Variants in CMTM4 observed in about 807,000 individuals in gnomAD.
The protein encoded by CMTM4 is CKLF-like MARVEL transmembrane domain-containing protein 4.
A neutral mutation model predicts 19.0 loss-of-function variants in CMTM4; 8 were observed. The ratio of observed to expected loss-of-function variants is 0.42; its 90% CI spans 0.25 to 0.76. The LOEUF is 0.76. Ranked by LOEUF, CMTM4 falls within the 30% of genes least tolerant of loss-of-function variation. The pLI, the probability that CMTM4 is intolerant of heterozygous loss-of-function variation, is 0.27. For missense variants in CMTM4, 228 were observed against 290.2 expected, an observed-to-expected ratio of 0.79 and a Z score of 1.56; for synonymous variants, 106 against 121.1, an observed-to-expected ratio of 0.88 and a Z score of 0.82.
intron 1 of CMTM4, among the ~76,000 whole-genome samples, chr16:66,648,609 G>A (rs1795882547): frequency 6.6e-6 from 1 of 151,752 alleles, no homozygotes; most frequent in Admixed American, 6.6e-5. Flanking sequence ...AGTGAGCCGA[G>A]ATCACGCCAT....
At chr16:66,692,231 C>T (rs909849580) in intron 1 of CMTM4, among the ~76,000 whole-genome samples, 8 of 152,134 alleles carry the variant, frequency 5.3e-5, no homozygotes, top group East Asian at 3.9e-4. Context: ...TCTGGGATTA[C>T]AGGCACTCGC....
At chr16:66,661,032 C>T (rs1185510703) in intron 1 of CMTM4, among the ~76,000 whole-genome samples, 2 of 152,154 alleles carry the variant, frequency 1.3e-5, no homozygotes, top group Non-Finnish European at 2.9e-5. Flanking sequence ...ACGAAACAGT[C>T]ATTAAACCAT....
chr16:66,646,310 T>A (rs572712382), intron 1 of CMTM4, among the ~76,000 whole-genome samples: 1 of 152,340 alleles, frequency 6.6e-6, no homozygotes, highest in South Asian at 2.1e-4. Context: ...TTACCTTTTT[T>A]AATTAACACT....
intron 1 of CMTM4, among the ~76,000 whole-genome samples, chr16:66,651,157 C>T (rs2016302800): frequency 6.6e-6 from 1 of 152,136 alleles, no homozygotes; most frequent in South Asian, 2.1e-4. Context: ...GACTGTGCTT[C>T]CGAAGCCAGC....
Position 66,617,244 on chromosome 16 carries a change from T to C in CMTM4, c.*4814A>G. On this transcript the variant is annotated 3_prime_UTR_variant, in exon 4 of 4. Coordinates refer to ENST00000394106, the MANE Select transcript of CMTM4 (RefSeq NM_181521.3). ...CAACAAACTTACCCTATGAAATAGA[T>C]ACACAGTTCAAGGACCCATCATCTG... 6.2e-7 allele frequency: 1 copy of C among 1,602,506 alleles called. No homozygotes were observed. The highest frequency in any genetic ancestry group is 8.5e-7 in the Non-Finnish European group (1 of 1,172,474).
At chr16:66,678,549 T>C (rs1186688200) in intron 1 of CMTM4, among the ~76,000 whole-genome samples, 7 of 152,236 alleles carry the variant, frequency 4.6e-5, no homozygotes, top group Non-Finnish European at 8.8e-5. Context: ...CTTGAGCTAT[T>C]TGTAACTCTG....
rs11435756 is a variant in CMTM4 at position 66,635,124 on chromosome 16, C to CT, written c.363+1280dup. Among the ~76,000 whole-genome samples the CT allele has an allele frequency of 8.9e-3, 1,352 of 152,304 alleles. 14 individuals carry two copies. The highest frequency in any genetic ancestry group is 0.028 in the African/African-American group (1,179 of 41,556). On this transcript the variant is annotated intron_variant, in intron 2 of 3. Coordinates refer to ENST00000394106, the MANE Select transcript of CMTM4 (RefSeq NM_181521.3). ...AACTGGGGGAGGTTTGCAAAGTTCT[C>CT]TTAAACAGTCTACTACATGCTCTGT...
intron 2 of CMTM4, among the ~76,000 whole-genome samples, chr16:66,629,936 G>A (rs955566163): frequency 1.3e-5 from 2 of 152,118 alleles, no homozygotes; most frequent in African/African-American, 4.8e-5. Context: ...TCTCCCATGT[G>A]GCTGTTCCTG....
intron 1 of CMTM4, among the ~76,000 whole-genome samples, chr16:66,663,010 T>C (rs2016525740): frequency 6.6e-6 from 1 of 152,122 alleles, no homozygotes; most frequent in South Asian, 2.1e-4. Context: ...CTGGGTGGCA[T>C]ATACCGAGCA....
At position 66,633,086 on chromosome 16, in the gene CMTM4, A is replaced by AAAATATATATATAT. The variant is rs1555499086; in HGVS notation, c.363+3305_363+3318dup. Among the ~76,000 whole-genome samples, 598 of 103,306 alleles carry AAAATATATATATAT rather than the reference A, an allele frequency of 5.8e-3. 38 individuals carry two copies. Among genetic ancestry groups the AAAATATATATATAT allele is most frequent in the African/African-American group, 0.031 (544 of 17,754 alleles). 67.8% of individuals were successfully genotyped at this position (103,306 alleles called of 152,430 possible). On this transcript the variant is annotated intron_variant, in intron 2 of 3. Transcript: ENST00000394106. ...GGCAACAAGAGCGAAACTCCGTTTC[A>AAAATATATATATAT]AAATATATATATATAAATATATATA... is the stretch of plus-strand genomic sequence containing the variant.
intron 2 of CMTM4, among the ~76,000 whole-genome samples, chr16:66,628,053 G>A (rs922340302): frequency 8.5e-5 from 13 of 152,224 alleles, no homozygotes; most frequent in Admixed American, 3.3e-4. Flanking sequence ...GGATGTGCAC[G>A]TAGGCCAGAT....
Position 66,696,104 on chromosome 16 carries a change from T to C in CMTM4, c.186+236A>G, listed in dbSNP as rs1181018418. On this transcript the variant is annotated intron_variant, in intron 1 of 3. Transcript: ENST00000394106. The surrounding 1 kb of genome is among the most constrained non-coding windows in gnomAD (Gnocchi z 4.3). The stretch of plus-strand genomic sequence containing the variant: ...GACAGGTAGGCCCGAAGGCAGGTGC[T>C]CAGGTAGGAGGCGCACACCTGAGGC... Among the ~76,000 whole-genome samples, 1 of 151,964 alleles carries C rather than the reference T, an allele frequency of 6.6e-6. No homozygotes were observed. Among genetic ancestry groups the C allele is most frequent in the African/African-American group, 2.4e-5 (1 of 41,388 alleles).
At chr16:66,670,965 A>G (rs2016694038) in intron 1 of CMTM4, among the ~76,000 whole-genome samples, 1 of 152,228 alleles carries the variant, frequency 6.6e-6, no homozygotes, top group Admixed American at 6.5e-5. Flanking sequence ...TCTCTAGCTG[A>G]GGAGAACACC....
chr16:66,630,840 T>G (rs1888316566), intron 2 of CMTM4, among the ~76,000 whole-genome samples: 1 of 149,846 alleles, frequency 6.7e-6, no homozygotes, highest in African/African-American at 2.5e-5. Flanking sequence ...CGCCATCCCA[T>G]CTAGGAAGTG....
intron 1 of CMTM4, among the ~76,000 whole-genome samples, chr16:66,695,059 G>C (rs1567437757): frequency 6.6e-6 from 1 of 152,088 alleles, no homozygotes; most frequent in Non-Finnish European, 1.5e-5. Flanking sequence ...AGGAAAAGGA[G>C]GACCAGGCCT....
At chr16:66,673,071 A>ATTT (rs758565705) in intron 1 of CMTM4, among the ~76,000 whole-genome samples, 30 of 86,746 alleles carry the variant, frequency 3.5e-4, no homozygotes, top group African/African-American at 4.1e-4. Context: ...CACCACACCA[A>ATTT]TTTTTTTTTT....
At chr16:66,649,459 C>CCTCT (rs1555500121) in intron 1 of CMTM4, among the ~76,000 whole-genome samples, 10 of 149,386 alleles carry the variant, frequency 6.7e-5, no homozygotes, top group Non-Finnish European at 1.2e-4. Flanking sequence ...TCTATCTATC[C>CCTCT]ATCTATCTAT....
chr16:66,611,235 T>C (rs2015364697), downstream of CMTM4, among the ~76,000 whole-genome samples: 1 of 152,088 alleles, frequency 6.6e-6, no homozygotes, highest in African/African-American at 2.4e-5. Flanking sequence ...GGTGGATCAC[T>C]TGAGGTCAGG....
chr16:66,624,804 T>C (rs187627420), intron 2 of CMTM4, among the ~76,000 whole-genome samples: 1 of 152,194 alleles, frequency 6.6e-6, no homozygotes, highest in African/African-American at 2.4e-5. Flanking sequence ...GAGACAATGC[T>C]GGCATCATAA....
Sources: allele counts gnomAD v4.1 joint callset (sites outside exome capture counted in the v4.1 genomes callset), GRCh38; gene constraint gnomAD v4.1.1; non-coding constraint Gnocchi (gnomAD v3.1); transcripts MANE v1.5; gene names NCBI Gene and HGNC (gene_info 2026-07-23, HGNC 2026-07-21).